The following C12orf60 variants were observed in gnomAD, a reference collection of about 807,000 sequenced individuals.
C12orf60 encodes uncharacterized protein C12orf60.
For synonymous variants in C12orf60, 102 were observed against 94.6 expected, an observed-to-expected ratio of 1.08 and a Z score of -0.45; for missense variants, 284 against 283.2, an observed-to-expected ratio of 1.00 and a Z score of -0.02.
intron 1 of C12orf60, chr12:14,806,272 C>G (rs1950047789): frequency 1.2e-6 from 2 of 1,614,096 alleles, no homozygotes; most frequent in Admixed American, 1.7e-5. Flanking sequence ...ACATTTGAGC[C>G]CACAAGTTTA....
rs144381427 is a variant in C12orf60 at position 14,823,762 on chromosome 12, A to G, written c.*89A>G. 2,381 of 1,264,726 alleles carry G rather than the reference A, an allele frequency of 1.9e-3. 37 individuals are homozygous for G. The East Asian group carries it at 0.03, about 16-fold the overall frequency. The allele number at this position is 1,264,726 out of a possible 1,614,324, so 78.3% of individuals were successfully genotyped here. On this transcript the variant is annotated 3_prime_UTR_variant, in exon 2 of 2. Transcript: ENST00000330828. ...AGTTTCTAAGATCTTTTGGTGCCAA[A>G]CATGTGCTATGTTAGAACATAAGTA...
In C12orf60 at chr12:14,821,749, C is replaced by G. The variant is rs375114514; in HGVS notation, c.-24-1163C>G. Among the ~76,000 whole-genome samples, 9 of 151,816 alleles carry G rather than the reference C, an allele frequency of 5.9e-5. No homozygotes were observed. In the East Asian group the frequency reaches 9.7e-4, roughly 16 times the overall value. On this transcript the variant is annotated intron_variant, in intron 1 of 1. Transcript: ENST00000330828. ...CCTGCTGTTTGATTCCCGGGGGTCCCCTTTCCTGGTGTTCTGGCTAGAAAA... is the reference window on the plus strand; with the variant it reads ...CCTGCTGTTTGATTCCCGGGGGTCCGCTTTCCTGGTGTTCTGGCTAGAAAA...
chr12:14,805,759 G>A (rs980608130), intron 1 of C12orf60: 2 of 486,188 alleles, frequency 4.1e-6, no homozygotes, highest in South Asian at 3.2e-5. Context: ...GTAGAGCAGG[G>A]TGTGAAAACA....
chr12:14,807,469 A>G (rs116976116), intron 1 of C12orf60, among the ~76,000 whole-genome samples: 2,627 of 152,252 alleles, frequency 0.017, 30 homozygotes, highest in Non-Finnish European at 0.025. Flanking sequence ...GGGCCAGATA[A>G]ATATTAACAT....
intron 1 of C12orf60, among the ~76,000 whole-genome samples, chr12:14,810,004 G>A (rs146105816): frequency 1.9e-3 from 285 of 152,260 alleles, no homozygotes; most frequent in African/African-American, 6.5e-3. Flanking sequence ...TTGCACTTGC[G>A]CTTAGACTCT....
intron 1 of C12orf60, chr12:14,814,086 G>A (rs1238873075): frequency 6.6e-6 from 1 of 152,162 alleles, no homozygotes; most frequent in East Asian, 1.9e-4. Context: ...GAGAAACAGA[G>A]TATTATATCA....
chr12:14,811,954 A>G (rs1950146425), intron 1 of C12orf60, among the ~76,000 whole-genome samples: 1 of 152,262 alleles, frequency 6.6e-6, no homozygotes, highest in African/African-American at 2.4e-5. Flanking sequence ...ATTTTTAAAT[A>G]TATACTTATT....
intron 1 of C12orf60, among the ~76,000 whole-genome samples, chr12:14,810,768 G>T (rs1366895417): frequency 6.6e-6 from 1 of 152,112 alleles, no homozygotes; most frequent in African/African-American, 2.4e-5. Context: ...GAGAGGCTGG[G>T]CACCACATGG....
intron 1 of C12orf60, among the ~76,000 whole-genome samples, chr12:14,814,436 C>T (rs566683572): frequency 9.2e-5 from 14 of 152,052 alleles, no homozygotes; most frequent in Non-Finnish European, 1.3e-4. Flanking sequence ...TGTTGAGAAG[C>T]GCTATATAAC....
chr12:14,811,275 T>C (rs527271597), intron 1 of C12orf60, among the ~76,000 whole-genome samples: 51 of 152,266 alleles, frequency 3.3e-4, no homozygotes, highest in African/African-American at 1.1e-3. Context: ...GAGCAGCCCA[T>C]TGGGAATTGC....
chr12:14,818,248 A>G (rs1331129584), intron 1 of C12orf60, among the ~76,000 whole-genome samples: 2 of 152,156 alleles, frequency 1.3e-5, no homozygotes, highest in Non-Finnish European at 2.9e-5. Flanking sequence ...ATTGCAAAAA[A>G]TTTCTTTCAT....
chr12:14,808,078 A>G (rs1278635898), intron 1 of C12orf60, among the ~76,000 whole-genome samples: 3 of 152,162 alleles, frequency 2.0e-5, no homozygotes, highest in Non-Finnish European at 4.4e-5. Context: ...AGGCAGGAGA[A>G]TCACTTGAAC....
intron 1 of C12orf60, among the ~76,000 whole-genome samples, chr12:14,809,715 TAAA>T (rs137943124): frequency 1.3e-5 from 2 of 148,836 alleles, no homozygotes; most frequent in South Asian, 2.1e-4. Context: ...CTAAAACCAA[TAAA>T]AAAAAAGCAC....
Position 14,823,450 on chromosome 12 carries a change from GAAC to G in C12orf60, c.516_518del (p.Arg172_Thr173delinsSer), listed in dbSNP as rs781326612. ...CAATCAGATGTCACCACATCTGAGA[GAAC>G]CAGAAGTCCTCCAGGTTCTTCCAAA... On this transcript the variant is annotated inframe_deletion, in exon 2 of 2. Transcript: ENST00000330828. 3.7e-6 allele frequency: 6 copies of G among 1,613,118 alleles called. No individual in the cohort carries two copies. The highest frequency in any genetic ancestry group is 5.1e-6 in the Non-Finnish European group (6 of 1,179,770).
chr12:14,823,515 G>A lies in C12orf60; in HGVS notation c.580G>A (p.Val194Ile). The change falls in exon 2 of 2, where the codon GTA becomes ATA. Residue 194 changes from valine to isoleucine, a missense_variant. Physicochemically the swap from Val to Ile is conservative, Grantham distance 29. Transcript: ENST00000330828. ...AGACACCTTGAAAAAACTGCAGGATGTACTAAAAACTGAGGATTCCAAAAA... is the reference window on the plus strand; with the variant it reads ...AGACACCTTGAAAAAACTGCAGGATATACTAAAAACTGAGGATTCCAAAAA... ...MIDTLKKLQD[V>I]LKTEDSKNPT... The A allele has an allele frequency of 1.2e-6, 2 of 1,613,370 alleles. No individual in the cohort carries two copies. The highest frequency in any genetic ancestry group is 1.7e-6 in the Non-Finnish European group (2 of 1,179,848).
intron 1 of C12orf60, among the ~76,000 whole-genome samples, chr12:14,807,000 T>G (rs940076223): frequency 6.6e-6 from 1 of 152,168 alleles, no homozygotes; most frequent in African/African-American, 2.4e-5. Flanking sequence ...CCCAGCTAGA[T>G]TTTTGTATTT....
At chr12:14,811,056 G>A (rs1285493492) in intron 1 of C12orf60, among the ~76,000 whole-genome samples, 3 of 152,150 alleles carry the variant, frequency 2.0e-5, no homozygotes, top group Non-Finnish European at 2.9e-5. Flanking sequence ...AGCACCAACA[G>A]CAAGTGGTAT....
intron 1 of C12orf60, among the ~76,000 whole-genome samples, chr12:14,813,545 A>G (rs1210426468): frequency 6.6e-6 from 1 of 152,242 alleles, no homozygotes; most frequent in Non-Finnish European, 1.5e-5. Flanking sequence ...AGCATTTATC[A>G]AGTGCTCACT....
chr12:14,806,388 T>C, intron 1 of C12orf60: 3 of 1,614,248 alleles, frequency 1.9e-6, no homozygotes, highest in Non-Finnish European at 2.5e-6. Context: ...ATCCTGAAGT[T>C]TTCTATAGAG....
Sources: allele counts gnomAD v4.1 joint callset (sites outside exome capture counted in the v4.1 genomes callset), GRCh38; gene constraint gnomAD v4.1.1; transcripts MANE v1.5; gene names NCBI Gene and HGNC (gene_info 2026-07-23, HGNC 2026-07-21).